WWOX: variants seen among roughly 807,000 people sequenced by gnomAD.
WWOX encodes the protein WW domain containing oxidoreductase.
In WWOX, 69 loss-of-function variants were observed where a neutral mutation model predicts 46.2. The observed-to-expected ratio is 1.49, with a 90% CI of 1.23 to 1.82. The LOEUF (loss-of-function observed/expected upper bound fraction) is 1.82. Among genes scored for constraint, WWOX ranks in the 40% most tolerant of loss-of-function variants. The pLI is 0.00. For missense variants in WWOX, 919 were observed against 542.6 expected (o/e 1.69, Z -6.89); for synonymous variants, 359 against 202.6 (o/e 1.77, Z -6.56).
chr16:78,880,950 A>G (rs1399285796), intron 8 of WWOX, among the ~76,000 whole-genome samples: 2 of 146,240 alleles, frequency 1.4e-5, no homozygotes, highest in African/African-American at 5.0e-5. Flanking sequence ...TTTCATTATG[A>G]GTCTATCTTT....
At chr16:78,628,501 G>C (rs1364268639) in intron 8 of WWOX, among the ~76,000 whole-genome samples, 1 of 152,128 alleles carries the variant, frequency 6.6e-6, no homozygotes, top group Non-Finnish European at 1.5e-5. Context: ...CCACCTAACA[G>C]ACTTGCCAGC....
chr16:78,783,381 G>C (rs747806689), intron 8 of WWOX, among the ~76,000 whole-genome samples: 21 of 152,228 alleles, frequency 1.4e-4, no homozygotes, highest in Non-Finnish European at 2.9e-5. Context: ...CCTTGAAGGG[G>C]AGGGAAATTG....
At chr16:78,781,476 C>G (rs554783737) in intron 8 of WWOX, among the ~76,000 whole-genome samples, 15 of 152,268 alleles carry the variant, frequency 9.9e-5, no homozygotes, top group Admixed American at 9.8e-4. Context: ...AACTGCTTTT[C>G]TTTTATCAGC....
At chr16:78,308,184 A>ATGCC (rs1402771367) in intron 5 of WWOX, among the ~76,000 whole-genome samples, 1 of 152,204 alleles carries the variant, frequency 6.6e-6, no homozygotes, top group Non-Finnish European at 1.5e-5. Flanking sequence ...GGCCAGCACC[A>ATGCC]TGCCACACAG....
At chr16:78,368,974 G>A (rs1396076291) in intron 5 of WWOX, among the ~76,000 whole-genome samples, 1 of 151,906 alleles carries the variant, frequency 6.6e-6, no homozygotes, top group Non-Finnish European at 1.5e-5. Context: ...GCCTTTCTCT[G>A]CATTTCTCAG....
intron 8 of WWOX, among the ~76,000 whole-genome samples, chr16:78,636,001 C>A (rs944399176): frequency 4.6e-5 from 7 of 152,180 alleles, no homozygotes; most frequent in East Asian, 1.9e-4. Flanking sequence ...CGTAACTCAT[C>A]CTGCCAACAC....
At chr16:78,617,374 C>G (rs1482114175) in intron 8 of WWOX, among the ~76,000 whole-genome samples, 1 of 149,970 alleles carries the variant, frequency 6.7e-6, no homozygotes, top group Non-Finnish European at 1.5e-5. Flanking sequence ...TGCACCCCAG[C>G]CTGGGCCACA....
intron 8 of WWOX, among the ~76,000 whole-genome samples, chr16:78,613,149 G>C (rs939293292): frequency 6.6e-6 from 1 of 152,132 alleles, no homozygotes; most frequent in Admixed American, 6.5e-5. Context: ...ACAATGACAA[G>C]TGAGGACTCC....
At chr16:78,893,402 T>A (rs2044633724) in intron 8 of WWOX, among the ~76,000 whole-genome samples, 1 of 152,110 alleles carries the variant, frequency 6.6e-6, no homozygotes, top group Non-Finnish European at 1.5e-5. Context: ...ATATTTTCTT[T>A]ATGTTTAAAT....
At chr16:78,943,123 A>C (rs1429759130) in intron 8 of WWOX, among the ~76,000 whole-genome samples, 1 of 152,220 alleles carries the variant, frequency 6.6e-6, no homozygotes, top group Non-Finnish European at 1.5e-5. Context: ...ACAGCGAATC[A>C]AGGTGGCAAC....
chr16:78,700,868 G>A (rs1417497252), intron 8 of WWOX, among the ~76,000 whole-genome samples: 1 of 152,148 alleles, frequency 6.6e-6, no homozygotes, highest in African/African-American at 2.4e-5. Flanking sequence ...AGAGGATTGA[G>A]GTTTATTGAA....
At chr16:78,765,838 G>C (rs943027796) in intron 8 of WWOX, among the ~76,000 whole-genome samples, 1 of 152,208 alleles carries the variant, frequency 6.6e-6, no homozygotes, top group South Asian at 2.1e-4. Flanking sequence ...TGGGATGGTG[G>C]AGCCTAAGGG....
chr16:78,561,001 GA>G lies in WWOX; in HGVS notation c.1056+128250del, dbSNP rs557250554. Among the ~76,000 whole-genome samples, 56 of 152,234 alleles carry G rather than the reference GA, an allele frequency of 3.7e-4. No homozygotes were observed. In the South Asian group the frequency reaches 0.011, roughly 30 times the overall value. ...GCTTCTCTGCTCAGGGTCTCTTGGG[GA>G]CAAAATAAAGGTGTCCGCTGGAGGA... On this transcript the variant is annotated intron_variant, in intron 8 of 8. Transcript: ENST00000566780.
intron 8 of WWOX, among the ~76,000 whole-genome samples, chr16:78,467,824 C>T (rs1422304777): frequency 6.6e-6 from 1 of 152,164 alleles, no homozygotes; most frequent in African/African-American, 2.4e-5. Context: ...ATACTTCATA[C>T]AAAGCTATGA....
intron 5 of WWOX, among the ~76,000 whole-genome samples, chr16:78,218,961 T>A (rs915275139): frequency 2.0e-5 from 3 of 152,250 alleles, no homozygotes; most frequent in African/African-American, 7.2e-5. Flanking sequence ...TGAAAACTTA[T>A]CACTTAAATT....
At chr16:78,695,639 A>C (rs572445747) in intron 8 of WWOX, among the ~76,000 whole-genome samples, 1 of 152,324 alleles carries the variant, frequency 6.6e-6, no homozygotes, top group Admixed American at 6.5e-5. Flanking sequence ...AGCCAAGGTC[A>C]CAGCTGGAAA....
At chr16:78,493,309 T>A (rs566847796) in intron 8 of WWOX, among the ~76,000 whole-genome samples, 2 of 152,166 alleles carry the variant, frequency 1.3e-5, no homozygotes, top group South Asian at 4.1e-4. Flanking sequence ...GTGGCTAGCA[T>A]TATTTGGGTC....
intron 8 of WWOX, among the ~76,000 whole-genome samples, chr16:78,629,196 T>G (rs923791766): frequency 1.3e-5 from 2 of 151,896 alleles, no homozygotes; most frequent in Non-Finnish European, 2.9e-5. Flanking sequence ...TATGCCATTT[T>G]AAAGACTCTG....
intron 1 of WWOX, among the ~76,000 whole-genome samples, chr16:78,104,845 C>G (rs989259685): frequency 2.0e-5 from 3 of 152,202 alleles, no homozygotes; most frequent in African/African-American, 7.2e-5. Context: ...ACTCGGTTCT[C>G]TATAACCCCA....
Sources: allele counts gnomAD v4.1 joint callset (sites outside exome capture counted in the v4.1 genomes callset), GRCh38; gene constraint gnomAD v4.1.1; transcripts MANE v1.5; gene names NCBI Gene and HGNC (gene_info 2026-07-23, HGNC 2026-07-21).